Variants in SEMA4F observed in about 807,000 individuals in gnomAD.
SEMA4F encodes ssemaphorin 4F, also known as semaphorin-4F.
A neutral mutation model predicts 78.4 loss-of-function variants in SEMA4F; 51 were observed. The observed-to-expected ratio is 0.65, with a 90% CI of 0.52 to 0.82. The LOEUF (loss-of-function observed/expected upper bound fraction) is 0.82, where lower values mean the gene tolerates loss of function less well. SEMA4F is among the 40% of genes least tolerant of loss of function. The pLI is 0.00. For missense variants in SEMA4F, 938 were observed against 1,014.4 expected (o/e 0.92, Z 1.02); for synonymous variants, 418 against 408.7 (o/e 1.02, Z -0.27).
rs546288150 is a variant in SEMA4F, at chr2:74,674,670, C to T, written c.995C>T (p.Ser332Phe). ...GTPIFYGIFS[S>F]QWEGATISAV... is the part of the protein sequence containing the mutation. The stretch of plus-strand genomic sequence containing the variant: ...CCCATCTTTTATGGCATCTTTTCTT[C>T]CCAGTGGTGAGGGGTCTTGGTGTGG... The change falls in exon 8 of 14, where the codon TCC (serine) becomes TTC (phenylalanine). Residue 332 changes from serine to phenylalanine, a missense_variant. Ser to Phe is a radical substitution (Grantham distance 155, BLOSUM62 -2). Coordinates refer to ENST00000357877, the MANE Select transcript of SEMA4F (RefSeq NM_004263.5). The T allele has an allele frequency of 4.3e-6, 7 of 1,613,790 alleles. No homozygotes were observed. The African/African-American group carries it at 9.3e-5, about 22-fold the overall frequency.
chr2:74,675,673 C>T, intron 11 of SEMA4F, 39 bp downstream of exon 11: 1 of 1,612,738 alleles, frequency 6.2e-7, no homozygotes, highest in Non-Finnish European at 8.5e-7. Flanking sequence ...GGGGAGACAT[C>T]TGAGTCCAGA....
chr2:74,654,624 G>T, intron 1 of SEMA4F, 103 bp downstream of exon 1: 9 of 1,059,096 alleles, frequency 8.5e-6, no homozygotes, highest in Non-Finnish European at 1.2e-5. Context: ...TCTCAGCCTG[G>T]TGTATGGCGT....
rs774544086 is a variant in SEMA4F at position 74,675,551 on chromosome 2, C to T, written c.1399C>T (p.Arg467Trp). 25 of 1,614,100 alleles carry T rather than the reference C, an allele frequency of 1.5e-5. No homozygotes were observed. Among genetic ancestry groups the T allele is most frequent in the South Asian group, 7.7e-5 (7 of 91,084 alleles). The change falls in exon 11 of 14, where the codon CGG becomes TGG. Residue 467 changes from arginine (R) to tryptophan (W), a missense_variant. Coordinates refer to ENST00000357877, the MANE Select transcript of SEMA4F (RefSeq NM_004263.5). ...TEDGHLHRAV[R>W]IGAQLSVLED... is the part of the protein sequence containing the mutation. Reference sequence around the variant, plus strand: ...GGATGGACACCTCCACCGAGCAGTGCGGATCGGAGCTCAGCTCAGCGTTCT... The same window carrying T: ...GGATGGACACCTCCACCGAGCAGTGTGGATCGGAGCTCAGCTCAGCGTTCT...
chr2:74,692,078 G>C, the SEMA4F span, among the ~76,000 whole-genome samples: 3 of 152,170 alleles, frequency 2.0e-5, no homozygotes. Context: ...AGAAGTACCA[G>C]GCTCTAGGGG....
the SEMA4F span, among the ~76,000 whole-genome samples, chr2:74,691,999 C>G: frequency 8.5e-5 from 13 of 152,150 alleles, no homozygotes; most frequent in African/African-American, 2.7e-4. Context: ...GCCTGACCAC[C>G]CTCCGATGGT....
Position 74,654,468 on chromosome 2 carries a change from C to T in SEMA4F, c.92C>T (p.Pro31Leu), listed in dbSNP as rs780277009. Residue 31 changes from proline (P) to leucine (L), a missense_variant, in exon 1 of 14, where the codon CCG becomes CTG. By Grantham distance (98) the Pro-to-Leu change is moderately conservative. Coordinates refer to ENST00000357877, the MANE Select transcript of SEMA4F (RefSeq NM_004263.5). ...CTGCTGCTGGCGGTGCTGAGCGGCC[C>T]GGTATCCGGCCGCGTCCCCCGCTCG... ...PLLLLAVLSG[P>L]VSGRVPRSVP... 5.7e-6 allele frequency: 9 copies of T among 1,574,386 alleles called. No homozygotes were observed. The highest frequency in any genetic ancestry group is 4.2e-5 in the African/African-American group (3 of 71,476).
At position 74,656,657 on chromosome 2, in the gene SEMA4F, T is replaced by C; in HGVS notation, c.269T>C (p.Leu90Pro). ...GARDTIFALS[L>P]PFSGERPRRI... ...CGGGACACCATCTTCGCTTTATCCC[T>C]GCCCTTCTCAGGGGAGAGACCCCGC... is the stretch of plus-strand genomic sequence containing the variant. Residue 90 changes from leucine (L) to proline (P), a missense_variant, in exon 2 of 14, where the codon CTG becomes CCG. Leu to Pro is a moderately conservative substitution (Grantham distance 98). Coordinates refer to ENST00000357877, the MANE Select transcript of SEMA4F (RefSeq NM_004263.5). 6.2e-7 allele frequency: 1 copy of C among 1,614,180 alleles called. No homozygotes were observed. Among genetic ancestry groups the C allele is most frequent in the South Asian group, 1.1e-5 (1 of 91,082 alleles).
rs1685484030 is a variant in SEMA4F at position 74,679,665 on chromosome 2, G to A, written c.1769G>A (p.Ser590Asn). Residue 590 changes from serine (S) to asparagine (N), a missense_variant, in exon 14 of 14, where the codon AGC (serine) becomes AAC (asparagine). By Grantham distance (46) the Ser-to-Asn change is conservative (BLOSUM62 1). Coordinates refer to ENST00000357877, the MANE Select transcript of SEMA4F (RefSeq NM_004263.5). ...CATGTGGTCTTGCCATGTTCTCCAAGCTCAGCATGGGCATCCTGTGTGTGG... is the reference window on the plus strand; with the variant it reads ...CATGTGGTCTTGCCATGTTCTCCAAACTCAGCATGGGCATCCTGTGTGTGG... The part of the protein sequence containing the change: ...AAHVVLPCSP[S>N]SAWASCVWHQ... 6.2e-7 allele frequency: 1 copy of A among 1,613,598 alleles called. No homozygotes were observed. Among genetic ancestry groups the A allele is most frequent in the Non-Finnish European group, 8.5e-7 (1 of 1,179,858 alleles).
At chr2:74,671,703 G>T (rs1054857384) in intron 5 of SEMA4F, among the ~76,000 whole-genome samples, 1 of 152,182 alleles carries the variant, frequency 6.6e-6, no homozygotes, top group African/African-American at 2.4e-5. Flanking sequence ...CTGATATCCT[G>T]AAGGCACTTC....
rs1301357431 is a variant in SEMA4F at position 74,674,411 on chromosome 2, G to A, written c.823-87G>A. On this transcript the variant is annotated intron_variant, in intron 7 of 13. Coordinates refer to ENST00000357877, the MANE Select transcript of SEMA4F (RefSeq NM_004263.5). Reference sequence around the variant, plus strand: ...TCCCCATCTGTCTGTCTGCCCTGAAGTCAGGGAGGAAACTTAAATTGGTCT... The same window carrying A: ...TCCCCATCTGTCTGTCTGCCCTGAAATCAGGGAGGAAACTTAAATTGGTCT... 1.2e-5 allele frequency: 15 copies of A among 1,251,098 alleles called. No homozygotes were observed. The East Asian group carries it at 2.3e-4, about 20-fold the overall frequency. 77.5% of individuals were successfully genotyped at this position (1,251,098 alleles called of 1,614,324 possible).
At chr2:74,669,693 G>T (rs1371817618) in intron 5 of SEMA4F, among the ~76,000 whole-genome samples, 1 of 152,172 alleles carries the variant, frequency 6.6e-6, no homozygotes, top group African/African-American at 2.4e-5. Context: ...GAAGCATTTT[G>T]ATGCCAGAAT....
rs764080689 is a variant in SEMA4F at position 74,675,637 on chromosome 2, G to A, written c.1482+3G>A. Reference sequence around the variant, plus strand: ...TTGAGAACATGAAATTGTACCACGTGAGTTGTAGATTTTGGAGAGTCTATT... The same window carrying A: ...TTGAGAACATGAAATTGTACCACGTAAGTTGTAGATTTTGGAGAGTCTATT... On this transcript the variant is annotated splice_donor_region_variant and intron_variant, in intron 11 of 13. Transcript: ENST00000357877. 1 of 1,613,744 alleles carries A rather than the reference G, an allele frequency of 6.2e-7. No individual in the cohort carries two copies. Among genetic ancestry groups the A allele is most frequent in the Non-Finnish European group, 8.5e-7 (1 of 1,179,626 alleles).
At chr2:74,656,820 GA>G (rs1458602349) in intron 2 of SEMA4F, 135 bp downstream of exon 2, 1 of 875,794 alleles carries the variant, frequency 1.1e-6, no homozygotes, top group African/African-American at 1.7e-5. Flanking sequence ...TGAGTTGGGA[GA>G]CATGGGGGGA....
rs1377058556 is a variant in SEMA4F, at chr2:74,679,221, G to C, written c.1644-55G>C. 4.8e-5 allele frequency: 60 copies of C among 1,252,640 alleles called. No individual in the cohort carries two copies. In the South Asian group the frequency reaches 6.3e-4, roughly 13 times the overall value. 77.6% of individuals were successfully genotyped at this position (1,252,640 alleles called of 1,614,324 possible). A position where few individuals can be genotyped will look rare whatever the true frequency, so the allele number is the denominator to read the frequency against. On this transcript the variant is annotated intron_variant, in intron 12 of 13. Transcript: ENST00000357877. The stretch of plus-strand genomic sequence containing the variant: ...ATGAGGGAGTCTTCAGTAATACTGA[G>C]GGGGGTTGAAGGGAATGTTCACACT...
Position 74,674,644 on chromosome 2 carries a change from T to A in SEMA4F, c.969T>A (p.Thr323=). The change falls in exon 8 of 14, where the codon ACT becomes ACA. Residue 323 remains threonine (T), a synonymous_variant. Transcript: ENST00000357877. ...TTCGACCTGAGCTTGGGGCAGGGAC[T>A]CCCATCTTTTATGGCATCTTTTCTT... is the stretch of plus-strand genomic sequence containing the variant. ...AVLRPELGAG[T]PIFYGIFSSQ... 6.2e-7 allele frequency: 1 copy of A among 1,614,106 alleles called. No homozygotes were observed.
At chr2:74,699,093 G>A in the SEMA4F span, among the ~76,000 whole-genome samples, 2 of 152,128 alleles carry the variant, frequency 1.3e-5, no homozygotes, top group African/African-American at 4.8e-5. Context: ...GGGACTACAG[G>A]TGTGAACCAC....
At chr2:74,676,580 A>G (rs1440022340) in intron 12 of SEMA4F, among the ~76,000 whole-genome samples, 1 of 151,862 alleles carries the variant, frequency 6.6e-6, no homozygotes, top group Non-Finnish European at 1.5e-5. Flanking sequence ...CAGTAAAGGG[A>G]CCTCCATGCA....
chr2:74,662,810 G>A lies in SEMA4F; in HGVS notation c.535G>A (p.Ala179Thr). 1.2e-6 allele frequency: 2 copies of A among 1,614,154 alleles called. No homozygotes were observed. Among genetic ancestry groups the A allele is most frequent in the Middle Eastern group, 1.7e-4 (1 of 6,060 alleles). ...TCCTTTTGAGCCAGCTCAGCGGTCA[G>A]CAGCTGTAATGGCTGGTGAGTGGGG... Reference protein sequence around the residue: ...KCPFEPAQRSAAVMAGGVLYA... With the variant: ...KCPFEPAQRSTAVMAGGVLYA... The change falls in exon 5 of 14, where the codon GCA becomes ACA. Residue 179 changes from alanine (A) to threonine (T), a missense_variant. Coordinates refer to ENST00000357877, the MANE Select transcript of SEMA4F (RefSeq NM_004263.5).
chr2:74,655,105 C>T (rs1029292282), intron 1 of SEMA4F, among the ~76,000 whole-genome samples: 8 of 152,200 alleles, frequency 5.3e-5, no homozygotes, highest in African/African-American at 1.7e-4. Flanking sequence ...TTCCCGCTCC[C>T]CTGACATCTC....
Sources: allele counts gnomAD v4.1 joint callset (sites outside exome capture counted in the v4.1 genomes callset), GRCh38; gene constraint gnomAD v4.1.1; transcripts MANE v1.5; gene names NCBI Gene and HGNC (gene_info 2026-07-23, HGNC 2026-07-21).